The following CRYBG1 variants were observed in gnomAD, a reference collection of about 807,000 sequenced individuals.
CRYBG1 encodes the protein crystallin beta-gamma domain containing 1.
CRYBG1 carries 139 observed loss-of-function variants against 189.2 expected under a neutral mutation model. The ratio of observed to expected loss-of-function variants is 0.73; its 90% CI spans 0.64 to 0.85. The LOEUF (loss-of-function observed/expected upper bound fraction) is 0.85, where lower values mean the gene tolerates loss of function less well. CRYBG1 is among the 40% of genes least tolerant of loss of function. The pLI is 0.00. For synonymous variants in CRYBG1, 1,023 were observed against 1,017.1 expected (o/e 1.01, Z -0.11); for missense variants, 2,611 against 2,675.8 (o/e 0.98, Z 0.53).
In CRYBG1 at chr6:106,558,612, G is replaced by C; in HGVS notation, c.5842G>C (p.Val1948Leu). The change falls in exon 18 of 22, where the codon GTT becomes CTT. Residue 1948 changes from valine (V) to leucine (L), a missense_variant. Val to Leu is a conservative substitution (Grantham distance 32). Transcript: ENST00000633556. ...CAACACACAAATACGCTCTGTTCAG[G>C]TTATTGGTGGCATGTGAGTTACCTA... ...GFNTQIRSVQ[V>L]IGGIWVTYEY... is the part of the protein sequence containing the mutation. 1.3e-6 allele frequency: 2 copies of C among 1,599,674 alleles called. No homozygotes were observed. Among genetic ancestry groups the C allele is most frequent in the Non-Finnish European group, 1.7e-6 (2 of 1,175,678 alleles).
chr6:106,558,028 T>C (rs1286825566), intron 17 of CRYBG1, among the ~76,000 whole-genome samples: 1 of 151,984 alleles, frequency 6.6e-6, no homozygotes, highest in African/African-American at 2.4e-5. Flanking sequence ...AAAAAAGACA[T>C]TTGAAAATAC....
chr6:106,459,427 T>C (rs564838165), intron 2 of CRYBG1, among the ~76,000 whole-genome samples: 7 of 152,134 alleles, frequency 4.6e-5, no homozygotes, highest in African/African-American at 1.7e-4. Context: ...AATACTAAAC[T>C]CATAAAATAA....
At chr6:106,395,557 T>C (rs1370927055) in intron 1 of CRYBG1, among the ~76,000 whole-genome samples, 1 of 152,044 alleles carries the variant, frequency 6.6e-6, no homozygotes, top group Non-Finnish European at 1.5e-5. Context: ...AATTTTGTTA[T>C]ATAGTATTAT....
intron 1 of CRYBG1, among the ~76,000 whole-genome samples, chr6:106,366,975 G>A (rs1423372298): frequency 6.6e-6 from 1 of 152,158 alleles, no homozygotes; most frequent in Admixed American, 6.5e-5. Context: ...GTTCATGTTG[G>A]TCTCTAAAAG....
chr6:106,390,600 C>CT (rs34750868), intron 1 of CRYBG1, among the ~76,000 whole-genome samples: 68,342 of 151,840 alleles, frequency 0.45, 16,143 homozygotes, highest in East Asian at 0.67. Flanking sequence ...CCCTACGCCC[C>CT]GTCATGAAAA....
intron 2 of CRYBG1, among the ~76,000 whole-genome samples, chr6:106,492,669 T>C (rs1391467295): frequency 6.7e-6 from 1 of 149,402 alleles, no homozygotes; most frequent in Non-Finnish European, 1.5e-5. Flanking sequence ...CCATATATGG[T>C]AGTTATTATC....
intron 1 of CRYBG1, chr6:106,449,631 G>C (rs776518764): frequency 6.6e-5 from 10 of 152,162 alleles, no homozygotes; most frequent in Non-Finnish European, 1.3e-4. Context: ...ACACATTCAT[G>C]GTAAGACGAT....
At chr6:106,524,399 A>G (rs1216057514) in intron 4 of CRYBG1, among the ~76,000 whole-genome samples, 1 of 151,810 alleles carries the variant, frequency 6.6e-6, no homozygotes, top group African/African-American at 2.4e-5. Flanking sequence ...CATCTCTACT[A>G]AAAGAAAAAT....
intron 2 of CRYBG1, among the ~76,000 whole-genome samples, chr6:106,477,406 TTA>T (rs1772354499): frequency 6.6e-6 from 1 of 152,176 alleles, no homozygotes; most frequent in Non-Finnish European, 1.5e-5. Flanking sequence ...TAATATCCAT[TTA>T]AAGGATGTTT....
chr6:106,423,842 C>T (rs940326976), intron 1 of CRYBG1, among the ~76,000 whole-genome samples: 1 of 151,438 alleles, frequency 6.6e-6, no homozygotes, highest in African/African-American at 2.4e-5. Context: ...GTGGCTGGAA[C>T]TACAGGCCCA....
chr6:106,519,661 CAG>C lies in CRYBG1; in HGVS notation c.2456_2457del (p.Glu819GlyfsTer10). The C allele has an allele frequency of 6.2e-7, 1 of 1,614,132 alleles. No homozygotes were observed. Among genetic ancestry groups the C allele is most frequent in the Middle Eastern group, 1.6e-4 (1 of 6,062 alleles). ...CATAAGCTCTTAGAGAAGGAGGACT[CAG>C]AGGCTGCAGACAGCAAAAGCCTTGT... On this transcript the variant is annotated frameshift_variant, in exon 4 of 22. Transcript: ENST00000633556. LOFTEE classifies it high-confidence loss of function.
rs138118955 is a variant in CRYBG1, at chr6:106,521,985, G to A, written c.4245+532G>A. On this transcript the variant is annotated intron_variant, in intron 4 of 21. Transcript: ENST00000633556. Reference sequence around the variant, plus strand: ...CCTGACCTCGTGATCCATCTGCCTCGGCCTCCCAGAGTGTTGCGATTACAG... The same window carrying A: ...CCTGACCTCGTGATCCATCTGCCTCAGCCTCCCAGAGTGTTGCGATTACAG... Among the ~76,000 whole-genome samples, 503 of 152,100 alleles carry A rather than the reference G, an allele frequency of 3.3e-3. 4 individuals are homozygous for A. The highest frequency in any genetic ancestry group is 0.011 in the African/African-American group (470 of 41,496).
intron 1 of CRYBG1, among the ~76,000 whole-genome samples, chr6:106,439,646 A>G (rs1422667427): frequency 2.0e-5 from 3 of 152,138 alleles, no homozygotes; most frequent in Non-Finnish European, 1.5e-5. Flanking sequence ...TTGGGACAGA[A>G]TGCTTTGTGG....
chr6:106,553,259 T>C (rs1241048184), intron 15 of CRYBG1, among the ~76,000 whole-genome samples, 196 bp from the exon 16 acceptor site: 2 of 152,168 alleles, frequency 1.3e-5, no homozygotes, highest in Non-Finnish European at 2.9e-5. Context: ...ATTAAATAAA[T>C]AGTCACGAAT....
At chr6:106,376,806 T>C (rs746043678) in intron 1 of CRYBG1, among the ~76,000 whole-genome samples, 1 of 152,196 alleles carries the variant, frequency 6.6e-6, no homozygotes, top group Non-Finnish European at 1.5e-5. Context: ...GGCTGACATC[T>C]GAATCCAAGT....
At chr6:106,493,725 A>T (rs555424027) in intron 2 of CRYBG1, among the ~76,000 whole-genome samples, 1 of 152,106 alleles carries the variant, frequency 6.6e-6, no homozygotes, top group Non-Finnish European at 1.5e-5. Flanking sequence ...AAAACCAAAC[A>T]CCGCATGTTC....
chr6:106,561,394 C>G lies in CRYBG1; in HGVS notation c.6032C>G (p.Thr2011Ser). 6.2e-7 allele frequency: 1 copy of G among 1,614,078 alleles called. No homozygotes were observed. The highest frequency in any genetic ancestry group is 8.5e-7 in the Non-Finnish European group (1 of 1,179,988). ...AAAGCAACAGGGTTATTCATGTCAA[C>G]CAATGGAAACTTAGAGGATCTGAAG... is the stretch of plus-strand genomic sequence containing the variant. ...RNKATGLFMS[T>S]NGNLEDLKLL... is the part of the protein sequence containing the mutation. Residue 2011 changes from threonine (T) to serine (S), a missense_variant, in exon 20 of 22, where the codon ACC (threonine) becomes AGC (serine). Physicochemically the swap from Thr to Ser is moderately conservative, Grantham distance 58. Coordinates refer to ENST00000633556, the MANE Select transcript of CRYBG1 (RefSeq NM_001371242.2).
chr6:106,558,399 C>G, intron 17 of CRYBG1, 87 bp from the exon 18 acceptor site: 1 of 1,205,788 alleles, frequency 8.3e-7, no homozygotes, highest in Non-Finnish European at 1.1e-6. Flanking sequence ...ATTTTTTGTG[C>G]TTTGTCCTTG....
At chr6:106,536,177 C>T (rs576746479) in intron 8 of CRYBG1, among the ~76,000 whole-genome samples, 6 of 152,250 alleles carry the variant, frequency 3.9e-5, no homozygotes, top group South Asian at 4.1e-4. Context: ...TTCTGTTGCC[C>T]GAATTTCCTA....
Sources: allele counts gnomAD v4.1 joint callset (sites outside exome capture counted in the v4.1 genomes callset), GRCh38; gene constraint gnomAD v4.1.1; transcripts MANE v1.5; gene names NCBI Gene and HGNC (gene_info 2026-07-23, HGNC 2026-07-21).